The following TP53BP2 variants were observed in gnomAD, a reference collection of about 807,000 sequenced individuals.
TP53BP2 encodes the protein tumor protein p53 binding protein 2, also known as apoptosis-stimulating of p53 protein 2.
In TP53BP2, 62 loss-of-function variants were observed where a neutral mutation model predicts 126.2. That is an observed-to-expected ratio of 0.49 (90% confidence interval 0.40 to 0.61). TP53BP2 has a LOEUF of 0.61. TP53BP2 is among the 20% of genes least tolerant of loss of function. The pLI, the probability that TP53BP2 is intolerant of heterozygous loss-of-function variation, is 0.00. For missense variants in TP53BP2, 1,215 were observed against 1,402.8 expected (o/e 0.87, Z 2.14); for synonymous variants, 485 against 502.9 (o/e 0.96, Z 0.48).
chr1:223,807,401 G>A (rs549668279), intron 4 of TP53BP2, among the ~76,000 whole-genome samples: 2 of 152,170 alleles, frequency 1.3e-5, no homozygotes, highest in African/African-American at 4.8e-5. Flanking sequence ...CAGAAACAAA[G>A]CAAGGACATC....
chr1:223,801,538 C>T (rs2102851904), intron 9 of TP53BP2, among the ~76,000 whole-genome samples: 1 of 152,290 alleles, frequency 6.6e-6, no homozygotes, highest in South Asian at 2.1e-4. Context: ...ACTTTTTCCT[C>T]CCATTACAAA....
chr1:223,799,157 CAG>C (rs973756376), intron 11 of TP53BP2, among the ~76,000 whole-genome samples: 13 of 152,158 alleles, frequency 8.5e-5, no homozygotes, highest in African/African-American at 3.1e-4. Flanking sequence ...TTTATATAGA[CAG>C]GGTCTCGTTT....
In TP53BP2 at chr1:223,798,313, G is replaced by A. The variant is rs1176267990; in HGVS notation, c.1850C>T (p.Ser617Phe). 6.2e-7 allele frequency: 1 copy of A among 1,614,210 alleles called. No individual in the cohort carries two copies. The highest frequency in any genetic ancestry group is 8.5e-7 in the Non-Finnish European group (1 of 1,180,034). Residue 617 changes from serine to phenylalanine, a missense_variant, in exon 12 of 18, where the codon TCC (serine) becomes TTC (phenylalanine). This residue lies in a region of TP53BP2 where 814 missense variants were observed against 853.0 expected (regional missense o/e 0.95). Transcript: ENST00000343537. ...TGGCGCCTGCTGTTGCGTATACATGGAATATATTGAACTTGCTGCCACGGT... is the reference window on the plus strand; with the variant it reads ...TGGCGCCTGCTGTTGCGTATACATGAAATATATTGAACTTGCTGCCACGGT... ...PQTVAASSIY[S>F]MYTQQQAPGK...
intron 13 of TP53BP2, 51 bp downstream of exon 13, chr1:223,795,764 G>T (rs369850005): frequency 7.5e-5 from 104 of 1,382,958 alleles, no homozygotes; most frequent in Non-Finnish European, 9.2e-5. Flanking sequence ...CAAGAAAATC[G>T]TAACAAAGTA....
intron 2 of TP53BP2, 71 bp from the exon 3 acceptor site, chr1:223,814,424 C>G: frequency 8.9e-7 from 1 of 1,120,220 alleles, no homozygotes; most frequent in Non-Finnish European, 1.3e-6. Context: ...CACCATCTAT[C>G]CTTCATGCAA....
intron 16 of TP53BP2, among the ~76,000 whole-genome samples, chr1:223,784,761 G>C (rs1376979062): frequency 1.3e-5 from 2 of 152,096 alleles, no homozygotes; most frequent in African/African-American, 4.8e-5. Flanking sequence ...AGAGCAGACA[G>C]AGAAAAAAAG....
chr1:223,788,930 T>A, intron 16 of TP53BP2, 78 bp downstream of exon 16: 1 of 1,480,348 alleles, frequency 6.8e-7, no homozygotes, highest in Non-Finnish European at 9.2e-7. Flanking sequence ...CAAACAAAAA[T>A]ACTTATTGAA....
chr1:223,829,115 C>T (rs1663606835), intron 1 of TP53BP2, among the ~76,000 whole-genome samples: 1 of 151,926 alleles, frequency 6.6e-6, no homozygotes, highest in South Asian at 2.1e-4. Flanking sequence ...TCACTTGAGC[C>T]CAGGAATTTG....
chr1:223,835,881 G>A (rs1454818042), intron 1 of TP53BP2, among the ~76,000 whole-genome samples: 1 of 152,030 alleles, frequency 6.6e-6, no homozygotes, highest in African/African-American at 2.4e-5. Flanking sequence ...CCTGGTGAAA[G>A]TACATTTAAA....
intron 1 of TP53BP2, among the ~76,000 whole-genome samples, chr1:223,828,391 A>G (rs185238192): frequency 6.6e-6 from 1 of 152,280 alleles, no homozygotes; most frequent in East Asian, 1.9e-4. Context: ...CTACGTTTAA[A>G]TTTTCTAGAA....
intron 1 of TP53BP2, among the ~76,000 whole-genome samples, chr1:223,829,783 A>G (rs1663633318): frequency 6.6e-6 from 1 of 152,028 alleles, no homozygotes; most frequent in African/African-American, 2.4e-5. Flanking sequence ...CTACAAGGAC[A>G]GCAAATTGCT....
chr1:223,845,600 G>A, intron 1 of TP53BP2, 54 bp downstream of exon 1: 4 of 1,513,312 alleles, frequency 2.6e-6, no homozygotes, highest in Non-Finnish European at 3.5e-6. Context: ...CCAGCCCCCG[G>A]CACGCGACCC....
chr1:223,827,602 A>C (rs1663544422), intron 1 of TP53BP2, among the ~76,000 whole-genome samples: 1 of 152,204 alleles, frequency 6.6e-6, no homozygotes, highest in East Asian at 1.9e-4. Context: ...ACACAGGGTA[A>C]AAGGAGTGTT....
At chr1:223,843,008 T>C (rs1223022742) in intron 1 of TP53BP2, among the ~76,000 whole-genome samples, 1 of 152,214 alleles carries the variant, frequency 6.6e-6, no homozygotes, top group Non-Finnish European at 1.5e-5. Context: ...CAGTACCCTA[T>C]CATTATCTCT....
intron 16 of TP53BP2, among the ~76,000 whole-genome samples, chr1:223,786,391 T>C (rs1230817769): frequency 2.6e-5 from 4 of 152,156 alleles, no homozygotes; most frequent in Non-Finnish European, 4.4e-5. Flanking sequence ...TGTAATCTAC[T>C]ATCATTATTA....
At chr1:223,781,691 C>A (rs150583330) in intron 17 of TP53BP2, among the ~76,000 whole-genome samples, 2 of 151,966 alleles carry the variant, frequency 1.3e-5, no homozygotes, top group East Asian at 3.9e-4. Flanking sequence ...AACTGAAAAA[C>A]TGGTGGATCC....
intron 15 of TP53BP2, 122 bp from the exon 16 acceptor site, chr1:223,789,296 T>TA: frequency 1.8e-6 from 2 of 1,141,022 alleles, no homozygotes; most frequent in South Asian, 1.6e-5. Flanking sequence ...GAAAACCTCT[T>TA]AAACAGTTTT....
chr1:223,801,773 A>C (rs1157125293), intron 9 of TP53BP2, among the ~76,000 whole-genome samples: 2 of 152,194 alleles, frequency 1.3e-5, no homozygotes, highest in Admixed American at 6.5e-5. Flanking sequence ...CCACAAACAC[A>C]TATGTTTTTA....
At chr1:223,785,324 A>G (rs1661914669) in intron 16 of TP53BP2, among the ~76,000 whole-genome samples, 1 of 152,232 alleles carries the variant, frequency 6.6e-6, no homozygotes, top group South Asian at 2.1e-4. Context: ...TCTGGGAAAA[A>G]CTGAAACAAG....
Sources: gnomAD v4.1 joint callset for allele counts (sites outside exome capture counted in the v4.1 genomes callset) on GRCh38, gnomAD v4.1.1 for gene constraint, gnomAD v4.1.1 regional missense constraint, MANE v1.5 for transcripts, NCBI Gene and HGNC (gene_info 2026-07-23, HGNC 2026-07-21) for gene names.